CDIN1: variants seen among roughly 807,000 people sequenced by gnomAD.
The protein encoded by CDIN1 is CDAN1 interacting nuclease 1.
In CDIN1, 33 loss-of-function variants were observed where a neutral mutation model predicts 45.3. The ratio of observed to expected loss-of-function variants is 0.73; its 90% CI spans 0.55 to 0.97. The LOEUF (loss-of-function observed/expected upper bound fraction) is 0.97. Among genes scored for constraint, CDIN1 ranks in the 50% least tolerant of loss-of-function variants. The pLI is 0.00. For synonymous variants in CDIN1, 118 were observed against 124.4 expected (o/e 0.95, Z 0.34); for missense variants, 303 against 339.4 (o/e 0.89, Z 0.84).
At chr15:36,616,720 C>CTGACCAATATGG (rs1385155957) in intron 1 of CDIN1, among the ~76,000 whole-genome samples, 3 of 152,006 alleles carry the variant, frequency 2.0e-5, no homozygotes, top group African/African-American at 4.8e-5. Flanking sequence ...CGAGACCAGC[C>CTGACCAATATGG]TGACCAATAT....
chr15:36,666,588 C>A (rs1040952224), intron 5 of CDIN1, among the ~76,000 whole-genome samples: 1 of 152,122 alleles, frequency 6.6e-6, no homozygotes, highest in African/African-American at 2.4e-5. Context: ...CCTTAGATAC[C>A]AATTTGGACC....
At position 36,689,888 on chromosome 15, in the gene CDIN1, C is replaced by T. The variant is rs74376885; in HGVS notation, c.347-1797C>T. Among the ~76,000 whole-genome samples the T allele has an allele frequency of 7.3e-3, 1,110 of 152,256 alleles. 16 individuals are homozygous for T. Among genetic ancestry groups the T allele is most frequent in the African/African-American group, 0.025 (1,038 of 41,544 alleles). On this transcript the variant is annotated intron_variant, in intron 5 of 10. Coordinates refer to ENST00000566621, the MANE Select transcript of CDIN1 (RefSeq NM_001321759.2). ...CTTAGCAAAATAGTGCTTTAGCTGT[C>T]TTCTCTAGAGACCACACAAGAACAC...
chr15:36,795,213 C>G (rs2054763788), intron 10 of CDIN1, among the ~76,000 whole-genome samples: 2 of 152,174 alleles, frequency 1.3e-5, no homozygotes, highest in South Asian at 4.2e-4. Flanking sequence ...GGAGTAAGTT[C>G]TAATGTTCAA....
intron 10 of CDIN1, among the ~76,000 whole-genome samples, chr15:36,787,252 G>C (rs892995130): frequency 6.6e-6 from 1 of 152,094 alleles, no homozygotes; most frequent in Non-Finnish European, 1.5e-5. Flanking sequence ...ACCCATACAT[G>C]CTTCTCCATC....
intron 10 of CDIN1, among the ~76,000 whole-genome samples, chr15:36,780,233 A>C (rs1296478214): frequency 6.6e-6 from 1 of 152,200 alleles, no homozygotes; most frequent in Non-Finnish European, 1.5e-5. Flanking sequence ...TGGCAGTCTC[A>C]GAACTGGAAG....
intron 1 of CDIN1, among the ~76,000 whole-genome samples, chr15:36,635,084 T>C (rs62002294): frequency 0.032 from 4,932 of 152,278 alleles, 88 homozygotes; most frequent in South Asian, 0.048. Flanking sequence ...AGAACTCTTA[T>C]AAATATCCCA....
At chr15:36,636,726 T>C (rs189725499) in intron 1 of CDIN1, among the ~76,000 whole-genome samples, 39 of 152,338 alleles carry the variant, frequency 2.6e-4, no homozygotes, top group African/African-American at 8.7e-4. Context: ...ACAATTTCAG[T>C]AATATCCTAC....
intron 10 of CDIN1, among the ~76,000 whole-genome samples, chr15:36,788,092 A>T (rs1595599000): frequency 2.4e-5 from 1 of 42,106 alleles, no homozygotes; most frequent in African/African-American, 1.1e-4. Flanking sequence ...ATATATATAT[A>T]TATATATATA....
chr15:36,769,726 A>G (rs1014780384), intron 10 of CDIN1, among the ~76,000 whole-genome samples: 2 of 152,118 alleles, frequency 1.3e-5, no homozygotes, highest in Non-Finnish European at 1.5e-5. Context: ...AGGTGACACC[A>G]TTCTTTCCTA....
chr15:36,586,829 A>T (rs928440412), intron 1 of CDIN1, among the ~76,000 whole-genome samples: 8 of 152,262 alleles, frequency 5.3e-5, no homozygotes. Flanking sequence ...GATAGCTTGT[A>T]GTCTGAGGAA....
intron 10 of CDIN1, among the ~76,000 whole-genome samples, chr15:36,710,815 G>A (rs979696307): frequency 2.0e-5 from 3 of 152,128 alleles, no homozygotes; most frequent in African/African-American, 7.2e-5. Flanking sequence ...GTGGGTAATA[G>A]CCTTGTCCTA....
At chr15:36,583,008 A>T (rs1001605677) in intron 1 of CDIN1, among the ~76,000 whole-genome samples, 1 of 151,884 alleles carries the variant, frequency 6.6e-6, no homozygotes, top group Non-Finnish European at 1.5e-5. Context: ...GTTATTGTTT[A>T]TTGATTTATT....
intron 1 of CDIN1, among the ~76,000 whole-genome samples, chr15:36,642,639 A>G (rs1233592004): frequency 6.6e-6 from 1 of 152,122 alleles, no homozygotes; most frequent in Non-Finnish European, 1.5e-5. Flanking sequence ...ATTTTGAACT[A>G]TTTATTCTTG....
intron 1 of CDIN1, among the ~76,000 whole-genome samples, chr15:36,621,379 T>C (rs2039181267): frequency 6.6e-6 from 1 of 152,246 alleles, no homozygotes; most frequent in Admixed American, 6.5e-5. Context: ...CACGTATCTG[T>C]ACAAGCCAGA....
At chr15:36,676,074 G>A (rs2041638765) in intron 5 of CDIN1, among the ~76,000 whole-genome samples, 1 of 152,076 alleles carries the variant, frequency 6.6e-6, no homozygotes, top group African/African-American at 2.4e-5. Flanking sequence ...TTAGACGAAA[G>A]TTATTTCTGA....
chr15:36,794,342 C>T (rs2141098856), intron 10 of CDIN1, among the ~76,000 whole-genome samples: 1 of 152,110 alleles, frequency 6.6e-6, no homozygotes, highest in African/African-American at 2.4e-5. Context: ...ACAGGTGTGA[C>T]ATCATAACTA....
Position 36,614,565 on chromosome 15 carries a change from A to G in CDIN1, c.102-29713A>G, listed in dbSNP as rs1255079645. The stretch of plus-strand genomic sequence containing the variant: ...TTCCACAGCCCTGAAGCAGCAATCT[A>G]ATCCCTTTCTCACTTTTGGAAGGTG... On this transcript the variant is annotated intron_variant, in intron 1 of 10. Transcript: ENST00000566621. Among the ~76,000 whole-genome samples, 6 of 152,212 alleles carry G rather than the reference A, an allele frequency of 3.9e-5. No individual in the cohort carries two copies. The East Asian group carries it at 1.2e-3, about 29-fold the overall frequency.
chr15:36,596,369 AAGAC>A (rs546153509), intron 1 of CDIN1, among the ~76,000 whole-genome samples: 137 of 152,304 alleles, frequency 9.0e-4, no homozygotes, highest in African/African-American at 3.2e-3. Context: ...TATGGATAGA[AAGAC>A]TCCATTTTAA....
intron 1 of CDIN1, among the ~76,000 whole-genome samples, chr15:36,601,893 G>A (rs1450878734): frequency 6.6e-6 from 1 of 152,166 alleles, no homozygotes; most frequent in Non-Finnish European, 1.5e-5. Context: ...AACCTGACAC[G>A]ATCATAGCAT....
Sources: allele counts gnomAD v4.1 joint callset (sites outside exome capture counted in the v4.1 genomes callset), GRCh38; gene constraint gnomAD v4.1.1; transcripts MANE v1.5; gene names NCBI Gene and HGNC (gene_info 2026-07-23, HGNC 2026-07-21).